Variants in MSH3 observed in about 807,000 individuals in gnomAD.
MSH3 encodes the protein mutS homolog 3, also known as DNA mismatch repair protein Msh3.
A neutral mutation model predicts 123.3 loss-of-function variants in MSH3; 106 were observed. The ratio of observed to expected loss-of-function variants is 0.86; its 90% CI spans 0.73 to 1.01. MSH3 has a LOEUF of 1.01. Ranked by LOEUF, MSH3 falls within the 50% of genes least tolerant of loss-of-function variation. The probability of loss-of-function intolerance (pLI) is 0.00; values close to 1 mark genes in which losing one functional copy is unlikely to be tolerated. For synonymous variants in MSH3, 515 were observed against 481.4 expected, an observed-to-expected ratio of 1.07 and a Z score of -0.91; for missense variants, 1,459 against 1,347.6, an observed-to-expected ratio of 1.08 and a Z score of -1.29.
chr5:80,679,242 A>C lies in MSH3; in HGVS notation c.1340+149A>C, dbSNP rs1287442247. Reference sequence around the variant, plus strand: ...AGTGGAAATTTAAAAAAAAAAGTAAAACAACAAAGCTGGGCATGGTGGCAC... The same window carrying C: ...AGTGGAAATTTAAAAAAAAAAGTAACACAACAAAGCTGGGCATGGTGGCAC... On this transcript the variant is annotated intron_variant, in intron 8 of 23. Transcript: ENST00000265081. 5.7e-6 allele frequency: 5 copies of C among 872,780 alleles called. No individual in the cohort carries two copies. The African/African-American group carries it at 8.5e-5, about 15-fold the overall frequency. 54.1% of individuals were successfully genotyped at this position (872,780 alleles called of 1,614,324 possible). A position where few individuals can be genotyped will look rare whatever the true frequency, so the allele number is the denominator to read the frequency against.
chr5:80,700,331 A>G (rs1180112546), intron 8 of MSH3, among the ~76,000 whole-genome samples: 1 of 152,220 alleles, frequency 6.6e-6, no homozygotes, highest in Admixed American at 6.5e-5. Context: ...CAGTGAGTCG[A>G]GATCTCCCCA....
intron 8 of MSH3, among the ~76,000 whole-genome samples, chr5:80,723,360 A>T (rs1197752980): frequency 6.6e-6 from 1 of 152,120 alleles, no homozygotes. Context: ...CATATATAGA[A>T]ATGCAATATG....
intron 17 of MSH3, among the ~76,000 whole-genome samples, chr5:80,783,418 A>C (rs1416167367): frequency 6.6e-6 from 1 of 152,184 alleles, no homozygotes; most frequent in Non-Finnish European, 1.5e-5. Context: ...ACAAAGACCA[A>C]GATGTCAAAC....
chr5:80,738,409 A>G (rs1459521895), intron 10 of MSH3, among the ~76,000 whole-genome samples: 1 of 152,198 alleles, frequency 6.6e-6, no homozygotes, highest in Non-Finnish European at 1.5e-5. Context: ...CACTTGAGGC[A>G]TGTGCAACAT....
chr5:80,838,637 A>C lies in MSH3; in HGVS notation c.2814-15493A>C, dbSNP rs117127384. On this transcript the variant is annotated intron_variant, in intron 20 of 23. Transcript: ENST00000265081. ...GACTTTTTGCTATATCATTGTGAGCATGGATTAATACATTCATGAAAAATC... is the reference window on the plus strand; with the variant it reads ...GACTTTTTGCTATATCATTGTGAGCCTGGATTAATACATTCATGAAAAATC... 1.8e-4 allele frequency among the ~76,000 whole-genome samples: 27 copies of C among 152,340 alleles called. No homozygotes were observed. The East Asian group carries it at 4.1e-3, about 23-fold the overall frequency.
At chr5:80,729,095 C>A in intron 10 of MSH3, 130 bp downstream of exon 10, 1 of 648,820 alleles carries the variant, frequency 1.5e-6, no homozygotes, top group Admixed American at 2.6e-5. Flanking sequence ...CAAGGATGAG[C>A]TGTTTGGTAT....
At chr5:80,687,997 G>A (rs1478415215) in intron 8 of MSH3, among the ~76,000 whole-genome samples, 2 of 152,174 alleles carry the variant, frequency 1.3e-5, no homozygotes, top group Non-Finnish European at 2.9e-5. Context: ...GGACAAGGTA[G>A]GGATGTGTAG....
intron 22 of MSH3, among the ~76,000 whole-genome samples, chr5:80,870,789 G>A (rs1431251237): frequency 2.0e-5 from 3 of 152,118 alleles, no homozygotes; most frequent in Non-Finnish European, 2.9e-5. Context: ...AATTTTCACT[G>A]ATAAAAGAAG....
chr5:80,704,044 TC>T (rs1561449772), intron 8 of MSH3, among the ~76,000 whole-genome samples: 2 of 152,126 alleles, frequency 1.3e-5, no homozygotes, highest in Non-Finnish European at 2.9e-5. Context: ...GGAAGAATCT[TC>T]CTTAGAAGTC....
chr5:80,674,913 T>C (rs1580553552), intron 6 of MSH3, 70 bp from the exon 7 acceptor site: 11 of 1,272,678 alleles, frequency 8.6e-6, no homozygotes, highest in Middle Eastern at 2.6e-4. Context: ...AAATAGTTAA[T>C]ATTATTGGAA....
chr5:80,688,508 C>T (rs1750144906), intron 8 of MSH3, among the ~76,000 whole-genome samples: 2 of 152,128 alleles, frequency 1.3e-5, no homozygotes, highest in African/African-American at 4.8e-5. Context: ...TTGTGTTCAT[C>T]TCTTATTAAA....
At chr5:80,720,461 A>G (rs141639288) in intron 8 of MSH3, among the ~76,000 whole-genome samples, 1 of 151,392 alleles carries the variant, frequency 6.6e-6, no homozygotes, top group Admixed American at 6.6e-5. Flanking sequence ...CTTTGAAAAA[A>G]ATTTCCCCCT....
chr5:80,729,944 A>G (rs767341465), intron 10 of MSH3, among the ~76,000 whole-genome samples: 57 of 152,172 alleles, frequency 3.7e-4, no homozygotes, highest in Admixed American at 2.4e-3. Flanking sequence ...CAGCAAAATG[A>G]CAGAATAGAA....
At chr5:80,681,587 TTCCTG>T (rs1308436891) in intron 8 of MSH3, among the ~76,000 whole-genome samples, 1 of 151,750 alleles carries the variant, frequency 6.6e-6, no homozygotes, top group African/African-American at 2.4e-5. Flanking sequence ...AAATTATGAT[TTCCTG>T]TCTTTGATTT....
intron 17 of MSH3, among the ~76,000 whole-genome samples, chr5:80,786,509 A>T (rs1744511522): frequency 6.6e-6 from 1 of 152,178 alleles, no homozygotes; most frequent in African/African-American, 2.4e-5. Context: ...CAGTCTTTGA[A>T]GAATTTGTGA....
rs1749754951 is a variant in MSH3, at chr5:80,672,875, G to T, written c.1027+17G>T. The T allele has an allele frequency of 6.4e-7, 1 of 1,561,534 alleles. No homozygotes were observed. The highest frequency in any genetic ancestry group is 8.8e-7 in the Non-Finnish European group (1 of 1,132,372). On this transcript the variant is annotated intron_variant, in intron 6 of 23. Coordinates refer to ENST00000265081, the MANE Select transcript of MSH3 (RefSeq NM_002439.5). ...TTGGAGAAGATATCCTTTTTGGACG[G>T]GAGTTTTTCTCTTAAATGATACAAG...
chr5:80,832,760 G>A (rs919235861), intron 20 of MSH3, among the ~76,000 whole-genome samples: 6 of 151,610 alleles, frequency 4.0e-5, no homozygotes, highest in Admixed American at 1.3e-4. Context: ...ATTTTTAAAA[G>A]CACTTGAAGT....
intron 8 of MSH3, among the ~76,000 whole-genome samples, chr5:80,722,934 G>A (rs1193226824): frequency 6.6e-6 from 1 of 151,936 alleles, no homozygotes; most frequent in East Asian, 1.9e-4. Context: ...GCGAAACCCT[G>A]TATCTACTAA....
chr5:80,680,043 C>T (rs919552509), intron 8 of MSH3, among the ~76,000 whole-genome samples: 1 of 151,820 alleles, frequency 6.6e-6, no homozygotes, highest in Non-Finnish European at 1.5e-5. Context: ...GGGTGGATCA[C>T]CTGAGGTCAG....
Sources: gnomAD v4.1 joint callset for allele counts (sites outside exome capture counted in the v4.1 genomes callset) on GRCh38, gnomAD v4.1.1 for gene constraint, MANE v1.5 for transcripts, NCBI Gene and HGNC (gene_info 2026-07-23, HGNC 2026-07-21) for gene names.